Variants in CDH8 observed in about 807,000 individuals in gnomAD.
CDH8 encodes the protein cadherin 8, also known as cadherin-8.
In CDH8, 17 loss-of-function variants were observed where a neutral mutation model predicts 68.1. That is an observed-to-expected ratio of 0.25 (90% CI 0.17 to 0.37). The LOEUF is 0.37. Among genes scored for constraint, CDH8 ranks in the 10% least tolerant of loss-of-function variants. CDH8 has a pLI of 1.00. For synonymous variants in CDH8, 372 were observed against 365.1 expected, an observed-to-expected ratio of 1.02 and a Z score of -0.21; for missense variants, 763 against 999.3, an observed-to-expected ratio of 0.76 and a Z score of 3.19.
chr16:61,827,730 T>C (rs1268895652), intron 4 of CDH8, among the ~76,000 whole-genome samples: 2 of 151,742 alleles, frequency 1.3e-5, no homozygotes, highest in South Asian at 2.1e-4. Flanking sequence ...CCCTCCCCCA[T>C]TGAGGTAAGC....
At chr16:62,005,920 G>A (rs1023070743) in intron 2 of CDH8, among the ~76,000 whole-genome samples, 4 of 152,128 alleles carry the variant, frequency 2.6e-5, no homozygotes, top group Non-Finnish European at 5.9e-5. Flanking sequence ...TTCCTACCTT[G>A]CTGCACTGGC....
chr16:61,707,953 T>A (rs904040853), intron 10 of CDH8, among the ~76,000 whole-genome samples: 16 of 152,182 alleles, frequency 1.1e-4, no homozygotes, highest in Non-Finnish European at 1.8e-4. Flanking sequence ...CAAAGTGGTA[T>A]GGACAAGACT....
chr16:61,652,673 T>C lies in CDH8; in HGVS notation c.*935A>G. 1 of 1,175,978 alleles carries C rather than the reference T, an allele frequency of 8.5e-7. No homozygotes were observed. The highest frequency in any genetic ancestry group is 1.1e-6 in the Non-Finnish European group (1 of 927,550). 72.8% of individuals were successfully genotyped at this position (1,175,978 alleles called of 1,614,324 possible). ...AACAATCTAAAGGATTATTAATGGA[T>C]ATAATTTAGTTTTTTCCCATATATC... On this transcript the variant is annotated 3_prime_UTR_variant, in exon 12 of 12. Coordinates refer to ENST00000577390, the MANE Select transcript of CDH8 (RefSeq NM_001796.5).
At chr16:61,768,311 C>CCTTTCTCT (rs1567461053) in intron 8 of CDH8, among the ~76,000 whole-genome samples, 1 of 16,398 alleles carries the variant, frequency 6.1e-5, no homozygotes, top group African/African-American at 2.4e-4. Flanking sequence ...TGTGTCTCTC[C>CCTTTCTCT]CTTTCTCTCT....
At chr16:61,747,161 T>C (rs942109553) in intron 8 of CDH8, among the ~76,000 whole-genome samples, 2 of 152,118 alleles carry the variant, frequency 1.3e-5, no homozygotes, top group African/African-American at 4.8e-5. Context: ...TCCGTCCATC[T>C]ATGCATGTTA....
intron 3 of CDH8, among the ~76,000 whole-genome samples, chr16:61,865,919 G>A (rs1432685289): frequency 1.3e-5 from 2 of 152,060 alleles, no homozygotes; most frequent in Admixed American, 1.3e-4. Context: ...TGCCTTCTAC[G>A]GTATGTGACA....
At chr16:61,712,753 T>C (rs1370331599) in intron 10 of CDH8, among the ~76,000 whole-genome samples, 3 of 151,690 alleles carry the variant, frequency 2.0e-5, no homozygotes, top group African/African-American at 7.2e-5. Context: ...AATATCTATA[T>C]AACAACTGTC....
At chr16:61,790,092 T>C (rs1158413256) in intron 7 of CDH8, among the ~76,000 whole-genome samples, 1 of 152,076 alleles carries the variant, frequency 6.6e-6, no homozygotes, top group African/African-American at 2.4e-5. Flanking sequence ...TTTTATTCTA[T>C]AGTTAATGTT....
At chr16:61,960,853 C>T (rs1965142034) in intron 2 of CDH8, among the ~76,000 whole-genome samples, 1 of 152,126 alleles carries the variant, frequency 6.6e-6, no homozygotes, top group African/African-American at 2.4e-5. Context: ...GATTGTTCAC[C>T]TCATGTTGCC....
At chr16:61,825,922 G>C (rs1308912164) in intron 4 of CDH8, among the ~76,000 whole-genome samples, 1 of 151,672 alleles carries the variant, frequency 6.6e-6, no homozygotes, top group African/African-American at 2.4e-5. Context: ...GTTTCATGTG[G>C]GTTTGTCTGT....
chr16:62,032,001 G>C (rs1208215315), intron 1 of CDH8: 1 of 152,106 alleles, frequency 6.6e-6, no homozygotes, highest in Non-Finnish European at 1.5e-5. Flanking sequence ...AAATAGATTC[G>C]CATCACAATT....
chr16:61,709,066 G>T (rs1418088094), intron 10 of CDH8, among the ~76,000 whole-genome samples: 1 of 151,980 alleles, frequency 6.6e-6, no homozygotes, highest in African/African-American at 2.4e-5. Flanking sequence ...GGGGATGCTT[G>T]CCTGGGAAAC....
At chr16:61,921,034 C>T (rs1409585935) in intron 2 of CDH8, among the ~76,000 whole-genome samples, 20 of 146,286 alleles carry the variant, frequency 1.4e-4, no homozygotes, top group African/African-American at 2.0e-4. Flanking sequence ...TATTCTCACT[C>T]GTAGGTGGGA....
chr16:61,828,191 G>T (rs28581985), intron 4 of CDH8, among the ~76,000 whole-genome samples: 2 of 151,774 alleles, frequency 1.3e-5, no homozygotes, highest in Non-Finnish European at 2.9e-5. Flanking sequence ...CACTCCCACC[G>T]GCACCATGAC....
intron 3 of CDH8, among the ~76,000 whole-genome samples, chr16:61,860,881 T>C (rs1963138292): frequency 6.6e-6 from 1 of 152,200 alleles, no homozygotes; most frequent in African/African-American, 2.4e-5. Context: ...GCTTCGTGCG[T>C]TTGGTCAGAG....
intron 4 of CDH8, among the ~76,000 whole-genome samples, chr16:61,845,696 T>G (rs1168857407): frequency 6.6e-6 from 1 of 152,046 alleles, no homozygotes; most frequent in African/African-American, 2.4e-5. Context: ...AAATTACACA[T>G]AATCACAAAT....
At chr16:61,863,478 G>T (rs770591669) in intron 3 of CDH8, among the ~76,000 whole-genome samples, 2 of 152,100 alleles carry the variant, frequency 1.3e-5, no homozygotes, top group Non-Finnish European at 2.9e-5. Flanking sequence ...TGTTAGCGAG[G>T]CTATACTTTT....
chr16:61,657,811 C>T (rs190561664), intron 10 of CDH8, among the ~76,000 whole-genome samples: 1 of 152,132 alleles, frequency 6.6e-6, no homozygotes, highest in Admixed American at 6.5e-5. Context: ...TTGTAACAGA[C>T]TATTATAATA....
At chr16:61,851,470 C>T (rs146541680) in intron 4 of CDH8, among the ~76,000 whole-genome samples, 90 of 152,164 alleles carry the variant, frequency 5.9e-4, no homozygotes, top group African/African-American at 2.1e-3. Flanking sequence ...GATAATTAAG[C>T]ATTTATTATT....
Sources: allele counts gnomAD v4.1 joint callset (sites outside exome capture counted in the v4.1 genomes callset), GRCh38; gene constraint gnomAD v4.1.1; transcripts MANE v1.5; gene names NCBI Gene and HGNC (gene_info 2026-07-23, HGNC 2026-07-21).